SGK3: variants seen among roughly 807,000 people sequenced by gnomAD.
SGK3 encodes the protein serum/glucocorticoid regulated kinase family member 3.
In SGK3, 47 loss-of-function variants were observed where a neutral mutation model predicts 68.5. That is an observed-to-expected ratio of 0.69 (90% CI 0.54 to 0.87). The LOEUF is 0.87. Ranked by LOEUF, SGK3 falls within the 40% of genes least tolerant of loss-of-function variation. The pLI, the probability that SGK3 is intolerant of heterozygous loss-of-function variation, is 0.00. For synonymous variants in SGK3, 181 were observed against 189.1 expected (o/e 0.96, Z 0.35); for missense variants, 479 against 575.5 (o/e 0.83, Z 1.72).
At chr8:66,755,860 C>A (rs887822554) in intron 1 of SGK3, among the ~76,000 whole-genome samples, 2 of 152,040 alleles carry the variant, frequency 1.3e-5, no homozygotes, top group African/African-American at 4.8e-5. Flanking sequence ...ATAACAGGGA[C>A]CTTCACTTAA....
At chr8:66,839,205 A>G (rs1450599475) in intron 10 of SGK3, among the ~76,000 whole-genome samples, 1 of 152,014 alleles carries the variant, frequency 6.6e-6, no homozygotes, top group East Asian at 1.9e-4. Flanking sequence ...CTTAGAAGCC[A>G]AGGGACCCAG....
intron 14 of SGK3, among the ~76,000 whole-genome samples, chr8:66,845,693 CTTATTTATTTATTTATTTATTTAT>C (rs59371496): frequency 1.6e-4 from 23 of 139,834 alleles, no homozygotes; most frequent in African/African-American, 5.8e-4. Flanking sequence ...ACCTAGCTTG[CTTATTTATTTATTTATTTATTTAT>C]TTATTTATTT....
At chr8:66,797,033 A>G (rs1293947869) in intron 2 of SGK3, among the ~76,000 whole-genome samples, 1 of 151,678 alleles carries the variant, frequency 6.6e-6, no homozygotes, top group African/African-American at 2.4e-5. Flanking sequence ...TTTAATAAGC[A>G]CTTGTTTATA....
intron 1 of SGK3, among the ~76,000 whole-genome samples, chr8:66,761,632 G>A (rs1253784819): frequency 6.6e-6 from 1 of 151,910 alleles, no homozygotes; most frequent in Non-Finnish European, 1.5e-5. Context: ...AGCTGAGTGT[G>A]GTGATGCATA....
At chr8:66,770,114 C>T (rs985328610) in intron 1 of SGK3, among the ~76,000 whole-genome samples, 29 of 152,154 alleles carry the variant, frequency 1.9e-4, no homozygotes, top group Non-Finnish European at 3.1e-4. Context: ...CCACCACACC[C>T]GGCTAATTTT....
intron 1 of SGK3, among the ~76,000 whole-genome samples, chr8:66,773,780 G>C (rs1806592600): frequency 6.6e-6 from 1 of 152,156 alleles, no homozygotes; most frequent in African/African-American, 2.4e-5. Flanking sequence ...GGTAGATGGA[G>C]TGGGATAGCG....
At chr8:66,745,841 C>T (rs565793704) in intron 1 of SGK3, among the ~76,000 whole-genome samples, 1 of 152,210 alleles carries the variant, frequency 6.6e-6, no homozygotes, top group South Asian at 2.1e-4. Flanking sequence ...ATACTGTGTC[C>T]TCATATGGCA....
chr8:66,769,464 T>C (rs1806432367), intron 1 of SGK3, among the ~76,000 whole-genome samples: 1 of 152,244 alleles, frequency 6.6e-6, no homozygotes, highest in South Asian at 2.1e-4. Context: ...CCTCAAATGA[T>C]CCACTCGCCT....
intron 16 of SGK3, among the ~76,000 whole-genome samples, chr8:66,856,071 CT>C (rs60655532): frequency 0.14 from 19,691 of 143,780 alleles, 2,382 homozygotes; most frequent in African/African-American, 0.34. Context: ...CTCAACTGTT[CT>C]TTTTTTTTTT....
At chr8:66,744,781 C>T (rs547769522) in intron 1 of SGK3, among the ~76,000 whole-genome samples, 41 of 149,628 alleles carry the variant, frequency 2.7e-4, no homozygotes, top group Non-Finnish European at 5.2e-4. Context: ...GCTGGGATTA[C>T]AGGCATGAGC....
At chr8:66,803,642 A>T (rs1808040141) in intron 3 of SGK3, among the ~76,000 whole-genome samples, 1 of 150,914 alleles carries the variant, frequency 6.6e-6, no homozygotes, top group Non-Finnish European at 1.5e-5. Context: ...TATCTGATAA[A>T]CAAATGTATT....
At position 66,850,851 on chromosome 8, in the gene SGK3, T is replaced by C. The variant is rs1295684358; in HGVS notation, c.1251T>C (p.Pro417=). The C allele has an allele frequency of 6.2e-7, 1 of 1,607,186 alleles. No individual in the cohort carries two copies. Among genetic ancestry groups the C allele is most frequent in the Admixed American group, 1.7e-5 (1 of 59,272 alleles). The change falls in exon 16 of 17, where the codon CCT becomes CCC. Residue 417 remains proline (P), a synonymous_variant. Transcript: ENST00000521198. ...TCCAGCTTGAAATTCAGAATCATCC[T>C]TTTTTTGAATCACTCAGCTGGGCTG... ...KEDFLEIQNH[P]FFESLSWADL...
chr8:66,735,360 A>G (rs764443802), intron 1 of SGK3, among the ~76,000 whole-genome samples: 2 of 152,256 alleles, frequency 1.3e-5, no homozygotes, highest in Non-Finnish European at 2.9e-5. Flanking sequence ...AGAAGAATCT[A>G]TCAGGCGTAT....
intron 10 of SGK3, among the ~76,000 whole-genome samples, chr8:66,838,821 T>C (rs1423657806): frequency 6.6e-6 from 1 of 152,206 alleles, no homozygotes; most frequent in Non-Finnish European, 1.5e-5. Context: ...ATTACTCTTA[T>C]TTTCCCCCAG....
intron 5 of SGK3, among the ~76,000 whole-genome samples, chr8:66,821,561 G>A (rs1808822794): frequency 6.6e-6 from 1 of 151,238 alleles, no homozygotes; most frequent in Admixed American, 6.6e-5. Flanking sequence ...CACCCAGGCT[G>A]GAGTGCAGTG....
intron 1 of SGK3, among the ~76,000 whole-genome samples, chr8:66,717,238 A>C (rs1239019917): frequency 8.8e-6 from 1 of 113,198 alleles, no homozygotes; most frequent in Non-Finnish European, 1.6e-5. Flanking sequence ...CAAAAAAAAC[A>C]AAAAAAAAAC....
intron 1 of SGK3, among the ~76,000 whole-genome samples, chr8:66,752,496 C>G (rs1006931493): frequency 6.6e-6 from 1 of 151,746 alleles, no homozygotes; most frequent in East Asian, 1.9e-4. Flanking sequence ...GGGAATACCC[C>G]CTATGTAGCA....
chr8:66,847,385 G>A, intron 15 of SGK3, 37 bp downstream of exon 15: 2 of 1,600,004 alleles, frequency 1.3e-6, no homozygotes, highest in Non-Finnish European at 1.7e-6. Flanking sequence ...CTTTATTTAA[G>A]CTTATTTAAA....
intron 1 of SGK3, among the ~76,000 whole-genome samples, chr8:66,734,962 T>G: frequency 7.1e-6 from 1 of 140,700 alleles, no homozygotes; most frequent in African/African-American, 2.9e-5. Flanking sequence ...AAAAAAAAAG[T>G]AGATATGTAC....
Sources: gnomAD v4.1 joint callset for allele counts (sites outside exome capture counted in the v4.1 genomes callset) on GRCh38, gnomAD v4.1.1 for gene constraint, MANE v1.5 for transcripts, NCBI Gene and HGNC (gene_info 2026-07-23, HGNC 2026-07-21) for gene names.